The following CDC14A variants were observed in gnomAD, a reference collection of about 807,000 sequenced individuals.
CDC14A encodes cell division cycle 14A.
A neutral mutation model predicts 74.4 loss-of-function variants in CDC14A; 53 were observed. That is an observed-to-expected ratio of 0.71 (90% CI 0.57 to 0.89). The LOEUF is 0.89. Ranked by LOEUF, CDC14A falls within the 40% of genes least tolerant of loss-of-function variation. The pLI is 0.00. For synonymous variants in CDC14A, 247 were observed against 258.4 expected, an observed-to-expected ratio of 0.96 and a Z score of 0.43; for missense variants, 646 against 713.7, an observed-to-expected ratio of 0.91 and a Z score of 1.08.
chr1:100,412,115 G>A (rs189909913), intron 4 of CDC14A, among the ~76,000 whole-genome samples: 169 of 152,262 alleles, frequency 1.1e-3, no homozygotes, highest in Admixed American at 3.6e-3. Context: ...TTTATTCTTC[G>A]TGACCTGTGG....
At chr1:100,483,220 T>C (rs1292348690) in intron 10 of CDC14A, among the ~76,000 whole-genome samples, 3 of 152,192 alleles carry the variant, frequency 2.0e-5, no homozygotes, top group Non-Finnish European at 2.9e-5. Flanking sequence ...AGTGTATAAG[T>C]GTTCCTTTCT....
chr1:100,509,570 TAAC>T (rs1649538958), intron 15 of CDC14A, among the ~76,000 whole-genome samples: 1 of 152,238 alleles, frequency 6.6e-6, no homozygotes, highest in African/African-American at 2.4e-5. Flanking sequence ...GTCAGATCTT[TAAC>T]TTAGAAAGGC....
intron 6 of CDC14A, 69 bp downstream of exon 6, chr1:100,440,067 A>G (rs1664759165): frequency 8.7e-7 from 1 of 1,153,658 alleles, no homozygotes; most frequent in Non-Finnish European, 1.3e-6. Context: ...AATAATCTCA[A>G]CATCCTTATT....
At chr1:100,417,181 C>G (rs1481320829) in intron 4 of CDC14A, among the ~76,000 whole-genome samples, 1 of 152,156 alleles carries the variant, frequency 6.6e-6, no homozygotes, top group Non-Finnish European at 1.5e-5. Context: ...AAAAGACTGT[C>G]TCACTTTAGA....
At chr1:100,454,501 G>A (rs1023719332) in intron 7 of CDC14A, among the ~76,000 whole-genome samples, 3 of 152,116 alleles carry the variant, frequency 2.0e-5, no homozygotes, top group Admixed American at 6.5e-5. Flanking sequence ...ATGGTTCGGA[G>A]GCACATGGGG....
intron 6 of CDC14A, 84 bp downstream of exon 6, chr1:100,440,082 A>C (rs980548701): frequency 3.9e-5 from 40 of 1,019,024 alleles, no homozygotes; most frequent in Non-Finnish European, 5.8e-5. Context: ...CTTATTTGTT[A>C]TTGGAGGGAA....
At chr1:100,407,272 A>G (rs952993720) in intron 4 of CDC14A, among the ~76,000 whole-genome samples, 4 of 152,054 alleles carry the variant, frequency 2.6e-5, no homozygotes, top group African/African-American at 4.8e-5. Flanking sequence ...ATAGCATTGT[A>G]TCTATAAATG....
intron 14 of CDC14A, 65 bp from the exon 15 acceptor site, chr1:100,498,864 G>A: frequency 2.0e-6 from 3 of 1,535,174 alleles, no homozygotes; most frequent in Admixed American, 2.1e-5. Flanking sequence ...TTTTAGAAAC[G>A]TGAGCTCTGT....
At chr1:100,376,295 G>GTA (rs146520203) in intron 2 of CDC14A, among the ~76,000 whole-genome samples, 141 of 150,358 alleles carry the variant, frequency 9.4e-4, no homozygotes, top group South Asian at 2.3e-3. Flanking sequence ...AGAACTTAAA[G>GTA]TATATATATA....
chr1:100,363,548 A>AT (rs1160219466), intron 2 of CDC14A, among the ~76,000 whole-genome samples: 2 of 151,988 alleles, frequency 1.3e-5, no homozygotes, highest in African/African-American at 2.4e-5. Flanking sequence ...TGTTAATTTA[A>AT]TTTTTTGGTC....
At position 100,471,236 on chromosome 1, in the gene CDC14A, T is replaced by C. The variant is rs1430476155; in HGVS notation, c.977+3142T>C. 3.9e-5 allele frequency among the ~76,000 whole-genome samples: 6 copies of C among 151,996 alleles called. No individual in the cohort carries two copies. The East Asian group carries it at 9.6e-4, about 24-fold the overall frequency. On this transcript the variant is annotated intron_variant, in intron 10 of 15. Transcript: ENST00000336454. ...CAAAACCATTCTGTGGTGATAGAAA[T>C]CAGAAAGCAATTGCTTCTGAGGTGT... is the stretch of plus-strand genomic sequence containing the variant.
Position 100,377,620 on chromosome 1 carries a change from AAGTG to A in CDC14A, c.216+3_216+6del, listed in dbSNP as rs1176352726. ...TGCTGCAAACTAAACAAGAAACTAAAAGTGAGTATTGTAGTGATATTTATAATTT... is the reference window on the plus strand; with the variant it reads ...TGCTGCAAACTAAACAAGAAACTAAAAGTATTGTAGTGATATTTATAATTT... On this transcript the variant is annotated splice_donor_variant and splice_donor_region_variant and coding_sequence_variant and intron_variant, in exon 3 of 16. Coordinates refer to ENST00000336454, the MANE Select transcript of CDC14A (RefSeq NM_003672.4). LOFTEE classifies it high-confidence loss of function. The A allele has an allele frequency of 6.2e-7, 1 of 1,606,372 alleles. No individual in the cohort carries two copies. Among genetic ancestry groups the A allele is most frequent in the African/African-American group, 1.3e-5 (1 of 74,908 alleles).
intron 5 of CDC14A, among the ~76,000 whole-genome samples, chr1:100,435,892 T>A: frequency 7.0e-6 from 1 of 143,356 alleles, no homozygotes; most frequent in East Asian, 2.0e-4. Context: ...TAGAGAGGAG[T>A]CCAAACCGGG....
intron 15 of CDC14A, among the ~76,000 whole-genome samples, chr1:100,517,749 G>A (rs1051286295): frequency 6.6e-6 from 1 of 152,162 alleles, no homozygotes; most frequent in Non-Finnish European, 1.5e-5. Flanking sequence ...TTAAGGGAAA[G>A]GATGTGTAAG....
chr1:100,384,298 G>T (rs919627146), intron 3 of CDC14A, among the ~76,000 whole-genome samples: 1 of 152,138 alleles, frequency 6.6e-6, no homozygotes, highest in African/African-American at 2.4e-5. Context: ...TGACTCTCAG[G>T]TAAGCAATAC....
At chr1:100,389,438 C>T (rs1167374413) in intron 3 of CDC14A, among the ~76,000 whole-genome samples, 3 of 143,494 alleles carry the variant, frequency 2.1e-5, no homozygotes, top group East Asian at 2.0e-4. Context: ...GGTGACAAAG[C>T]GAGAATCTGT....
chr1:100,382,984 C>T (rs904952058), intron 3 of CDC14A, among the ~76,000 whole-genome samples: 7 of 152,160 alleles, frequency 4.6e-5, no homozygotes, highest in Admixed American at 3.9e-4. Flanking sequence ...ATGACTAGAC[C>T]ACCCTATTAT....
chr1:100,420,031 TACACACACACAC>T lies in CDC14A; in HGVS notation c.310-4169_310-4158del, dbSNP rs368385925. 5.2e-4 allele frequency among the ~76,000 whole-genome samples: 43 copies of T among 82,816 alleles called. 1 individual carries two copies. Among genetic ancestry groups the T allele is most frequent in the African/African-American group, 1.3e-3 (36 of 28,150 alleles). 54.3% of individuals were successfully genotyped at this position (82,816 alleles called of 152,430 possible). A position where few individuals can be genotyped will look rare whatever the true frequency, so the allele number is the denominator to read the frequency against. On this transcript the variant is annotated intron_variant, in intron 4 of 15. Coordinates refer to ENST00000336454, the MANE Select transcript of CDC14A (RefSeq NM_003672.4). ...ATATATACATATATATATACATATATACACACACACACACACACACACACACACACACATATA... is the reference window on the plus strand; with the variant it reads ...ATATATACATATATATATACATATATACACACACACACACACACACATATA...
chr1:100,496,466 C>T (rs970096515), intron 13 of CDC14A, among the ~76,000 whole-genome samples: 1 of 152,080 alleles, frequency 6.6e-6, no homozygotes, highest in Non-Finnish European at 1.5e-5. Context: ...GTCTTATTTT[C>T]TTCTCTACCT....
Sources: gnomAD v4.1 joint callset for allele counts (sites outside exome capture counted in the v4.1 genomes callset) on GRCh38, gnomAD v4.1.1 for gene constraint, MANE v1.5 for transcripts, NCBI Gene and HGNC (gene_info 2026-07-23, HGNC 2026-07-21) for gene names.